Variants in PTPN14 observed in about 807,000 individuals in gnomAD.
PTPN14 encodes the protein protein tyrosine phosphatase non-receptor type 14, also known as tyrosine-protein phosphatase non-receptor type 14.
In PTPN14, 53 loss-of-function variants were observed where a neutral mutation model predicts 126.8. The observed-to-expected ratio is 0.42, with a 90% CI of 0.34 to 0.53. The LOEUF is 0.53. Ranked by LOEUF, PTPN14 falls within the 20% of genes least tolerant of loss-of-function variation. PTPN14 has a pLI of 0.08. For synonymous variants in PTPN14, 630 were observed against 599.3 expected, an observed-to-expected ratio of 1.05 and a Z score of -0.75; for missense variants, 1,257 against 1,552.9, an observed-to-expected ratio of 0.81 and a Z score of 3.20.
chr1:214,424,502 G>A (rs1659616459), intron 3 of PTPN14, among the ~76,000 whole-genome samples: 1 of 151,624 alleles, frequency 6.6e-6, no homozygotes, highest in Admixed American at 6.6e-5. Flanking sequence ...CCTGTGGTGA[G>A]ACAATTGAGT....
intron 1 of PTPN14, chr1:214,533,534 T>TAAAAA: frequency 9.6e-6 from 2 of 208,806 alleles, no homozygotes; most frequent in Non-Finnish European, 1.8e-5. Context: ...GCGGTTTAAA[T>TAAAAA]AAAAAAAAAA....
At chr1:214,416,514 T>C (rs1439134398) in intron 3 of PTPN14, among the ~76,000 whole-genome samples, 1 of 152,180 alleles carries the variant, frequency 6.6e-6, no homozygotes, top group East Asian at 1.9e-4. Context: ...CTATTACAGA[T>C]CCATTCTATC....
At chr1:214,453,133 G>T (rs2102636583) in intron 2 of PTPN14, among the ~76,000 whole-genome samples, 1 of 152,306 alleles carries the variant, frequency 6.6e-6, no homozygotes, top group African/African-American at 2.4e-5. Flanking sequence ...TGGGGGTAAT[G>T]ATTTGATTAG....
Position 214,471,031 on chromosome 1 carries a change from A to C in PTPN14, c.-154-6074T>G, listed in dbSNP as rs75011796. ...CAAGAGCAAAATTCCATCTCAAAAA[A>C]AAAAAAAACAAAACAAAAAAACAAC... On this transcript the variant is annotated intron_variant, in intron 1 of 18. Coordinates refer to ENST00000366956, the MANE Select transcript of PTPN14 (RefSeq NM_005401.5). 3.5e-3 allele frequency among the ~76,000 whole-genome samples: 484 copies of C among 138,658 alleles called. 5 individuals are homozygous for C. In the East Asian group the frequency reaches 0.044, roughly 13 times the overall value. 91.0% of individuals were successfully genotyped at this position (138,658 alleles called of 152,430 possible).
rs1258402565 is a variant in PTPN14, at chr1:214,394,910, G to A, written c.835C>T (p.Leu279Phe). The change falls in exon 9 of 19, where the codon CTC (leucine) becomes TTC (phenylalanine). Residue 279 changes from leucine (L) to phenylalanine (F), a missense_variant. Transcript: ENST00000366956. ...VELINKEETA[L>F]FHTDDIENAK... Reference sequence around the variant, plus strand: ...TCTGTTGTGCTTACCGTGTGAAAGAGGGCAGTCTCTTCTTTGTTGATGAGC... The same window carrying A: ...TCTGTTGTGCTTACCGTGTGAAAGAAGGCAGTCTCTTCTTTGTTGATGAGC... 3 of 1,612,622 alleles carry A rather than the reference G, an allele frequency of 1.9e-6. No homozygotes were observed. The highest frequency in any genetic ancestry group is 2.5e-6 in the Non-Finnish European group (3 of 1,178,672).
intron 3 of PTPN14, among the ~76,000 whole-genome samples, chr1:214,439,371 C>T (rs1024749243): frequency 6.6e-6 from 1 of 152,166 alleles, no homozygotes; most frequent in African/African-American, 2.4e-5. Context: ...ATCTTTTCTA[C>T]CTTCTTCAAA....
In PTPN14 at chr1:214,354,841, G is replaced by C. The variant is rs1346572698; in HGVS notation, c.*3081C>G. On this transcript the variant is annotated 3_prime_UTR_variant, in exon 19 of 19. Coordinates refer to ENST00000366956, the MANE Select transcript of PTPN14 (RefSeq NM_005401.5). ...ATAGACACTGACAGCTCCAGCTTCA[G>C]ACTTGATACATCATCAGGAAATCAT... 1 of 152,128 alleles carries C rather than the reference G, an allele frequency of 6.6e-6. No homozygotes were observed. Among genetic ancestry groups the C allele is most frequent in the East Asian group, 1.9e-4 (1 of 5,200 alleles). 9.4% of individuals were successfully genotyped at this position (152,128 alleles called of 1,614,324 possible).
At chr1:214,449,567 ATG>A (rs1660226210) in intron 3 of PTPN14, among the ~76,000 whole-genome samples, 4 of 152,218 alleles carry the variant, frequency 2.6e-5, no homozygotes, top group African/African-American at 9.6e-5. Flanking sequence ...TATTAACTTA[ATG>A]CTGTGTTCCT....
chr1:214,484,704 A>C (rs1425921109), intron 1 of PTPN14, among the ~76,000 whole-genome samples: 5 of 152,170 alleles, frequency 3.3e-5, no homozygotes, highest in Non-Finnish European at 7.3e-5. Flanking sequence ...TTGTTTTGCG[A>C]GGGAAATGGG....
intron 1 of PTPN14, among the ~76,000 whole-genome samples, chr1:214,547,717 T>C (rs1399684871): frequency 6.6e-6 from 1 of 152,154 alleles, no homozygotes; most frequent in Non-Finnish European, 1.5e-5. Flanking sequence ...AGGATCCTTA[T>C]ATAAAACACT....
rs367595026 is a variant in PTPN14 at position 214,364,723 on chromosome 1, G to A, written c.3272-48C>T. On this transcript the variant is annotated intron_variant, in intron 17 of 18. Coordinates refer to ENST00000366956, the MANE Select transcript of PTPN14 (RefSeq NM_005401.5). This position sits in a 1 kb window ranked among gnomAD's most constrained non-coding sequence, Gnocchi z 4.1. ...TGTCACCAAAGTCCTCCATGGCTTC[G>A]CATGTAAGTTGGGGAGGGGGGAGCG... 2.7e-5 allele frequency: 42 copies of A among 1,578,240 alleles called. No homozygotes were observed. The highest frequency in any genetic ancestry group is 2.3e-4 in the African/African-American group (17 of 74,156).
At chr1:214,391,117 G>T (rs959576761) in intron 10 of PTPN14, 72 bp from the exon 11 acceptor site, 2 of 1,183,962 alleles carry the variant, frequency 1.7e-6, no homozygotes, top group South Asian at 1.9e-5. Context: ...ACAAGGGAAG[G>T]AGAGGAAGAG....
At chr1:214,521,956 A>G (rs186862731) in intron 1 of PTPN14, among the ~76,000 whole-genome samples, 4,023 of 65,926 alleles carry the variant, frequency 0.061, 83 homozygotes, top group Non-Finnish European at 0.078. Context: ...TTTTTTTTTG[A>G]GATGGAGTCT....
At chr1:214,460,787 G>A (rs1408991543) in intron 2 of PTPN14, among the ~76,000 whole-genome samples, 1 of 152,158 alleles carries the variant, frequency 6.6e-6, no homozygotes, top group Non-Finnish European at 1.5e-5. Flanking sequence ...GTTTCTGGGA[G>A]CAGGGACCCT....
intron 15 of PTPN14, among the ~76,000 whole-genome samples, chr1:214,375,050 C>T (rs996081330): frequency 3.3e-5 from 5 of 152,154 alleles, no homozygotes; most frequent in African/African-American, 7.2e-5. Flanking sequence ...TTACTTCTCA[C>T]TCTCAAAAAT....
intron 3 of PTPN14, among the ~76,000 whole-genome samples, chr1:214,446,996 T>C (rs1660158941): frequency 6.6e-6 from 1 of 152,222 alleles, no homozygotes; most frequent in African/African-American, 2.4e-5. Flanking sequence ...TTCTAATCTA[T>C]GCAAATATCT....
At chr1:214,362,843 A>G (rs79078719) in intron 18 of PTPN14, among the ~76,000 whole-genome samples, 30,938 of 152,154 alleles carry the variant, frequency 0.2, 3,757 homozygotes, top group Non-Finnish European at 0.27. Flanking sequence ...TCTCAAAAAA[A>G]AGAAAAAAAG....
At chr1:214,372,890 T>C in intron 15 of PTPN14, 51 bp from the exon 16 acceptor site, 1 of 1,590,956 alleles carries the variant, frequency 6.3e-7, no homozygotes, top group Non-Finnish European at 8.6e-7. Context: ...CGGACAACAT[T>C]ACCTGCTGAT....
chr1:214,365,784 C>T (rs551530140), intron 17 of PTPN14, among the ~76,000 whole-genome samples: 4 of 152,186 alleles, frequency 2.6e-5, no homozygotes, highest in African/African-American at 9.6e-5. Flanking sequence ...ACTACTACTA[C>T]GATGATGATG....
Sources: gnomAD v4.1 joint callset for allele counts (sites outside exome capture counted in the v4.1 genomes callset) on GRCh38, gnomAD v4.1.1 for gene constraint, Gnocchi (gnomAD v3.1) non-coding constraint, MANE v1.5 for transcripts, NCBI Gene and HGNC (gene_info 2026-07-23, HGNC 2026-07-21) for gene names.